The following CDIN1 variants were observed in gnomAD, a reference collection of about 807,000 sequenced individuals.
The protein encoded by CDIN1 is CDAN1-interacting nuclease 1.
A neutral mutation model predicts 45.3 loss-of-function variants in CDIN1; 33 were observed. The observed-to-expected ratio is 0.73, with a 90% CI of 0.55 to 0.97. The LOEUF is 0.97. CDIN1 is among the 50% of genes least tolerant of loss of function. CDIN1 has a pLI of 0.00. For missense variants in CDIN1, 303 were observed against 339.4 expected (o/e 0.89, Z 0.84); for synonymous variants, 118 against 124.4 (o/e 0.95, Z 0.34).
intron 10 of CDIN1, among the ~76,000 whole-genome samples, chr15:36,791,751 A>C (rs2054651265): frequency 6.6e-6 from 1 of 152,128 alleles, no homozygotes; most frequent in African/African-American, 2.4e-5. Context: ...AAAAGTGATC[A>C]TCGATGTGTT....
At chr15:36,682,753 G>C (rs1305255225) in intron 5 of CDIN1, among the ~76,000 whole-genome samples, 1 of 123,250 alleles carries the variant, frequency 8.1e-6, no homozygotes, top group Non-Finnish European at 1.6e-5. Flanking sequence ...CTAGGCAACA[G>C]AGCAAGACCC....
rs763815932 is a variant in CDIN1 at position 36,579,838 on chromosome 15, C to T, written c.-23C>T. The T allele has an allele frequency of 3.8e-6, 6 of 1,599,142 alleles. No homozygotes were observed. In the African/African-American group the frequency reaches 5.4e-5, roughly 14 times the overall value. The stretch of plus-strand genomic sequence containing the variant: ...CAGGGTGTTTTTTCCTTGTTCCCGC[C>T]ACCTCCTGGTCCCTGGCCCAACATG... On this transcript the variant is annotated 5_prime_UTR_variant, in exon 1 of 11. Coordinates refer to ENST00000566621, the MANE Select transcript of CDIN1 (RefSeq NM_001321759.2).
chr15:36,701,416 T>G (rs556710988), intron 8 of CDIN1, among the ~76,000 whole-genome samples: 1 of 151,346 alleles, frequency 6.6e-6, no homozygotes, highest in East Asian at 1.9e-4. Context: ...TTTTTGTGTG[T>G]TTTTTTTAGC....
chr15:36,609,475 T>TA (rs549302605), intron 1 of CDIN1, among the ~76,000 whole-genome samples: 146 of 152,272 alleles, frequency 9.6e-4, no homozygotes, highest in African/African-American at 3.2e-3. Context: ...TGAAAAAACT[T>TA]AAAGGGCTGG....
chr15:36,594,988 T>C (rs2140204278), intron 1 of CDIN1: 1 of 860,988 alleles, frequency 1.2e-6, no homozygotes, highest in Non-Finnish European at 1.4e-6. Context: ...TTATTTATTT[T>C]CTGTTCCATA....
At chr15:36,599,885 T>C (rs2038016306) in intron 1 of CDIN1, among the ~76,000 whole-genome samples, 1 of 152,178 alleles carries the variant, frequency 6.6e-6, no homozygotes, top group Admixed American at 6.5e-5. Context: ...CACAGTGCTG[T>C]CACTGTTACA....
At chr15:36,643,226 T>C (rs1483043633) in intron 1 of CDIN1, among the ~76,000 whole-genome samples, 1 of 152,154 alleles carries the variant, frequency 6.6e-6, no homozygotes, top group East Asian at 1.9e-4. Context: ...TGTAATTTGG[T>C]AAGGGTGGAA....
chr15:36,617,037 G>A, intron 1 of CDIN1: 1 of 752,176 alleles, frequency 1.3e-6, no homozygotes, highest in South Asian at 1.4e-5. Context: ...ACGGGCCTGT[G>A]AGCCAGTTAG....
At chr15:36,586,470 C>T (rs1447818339) in intron 1 of CDIN1, among the ~76,000 whole-genome samples, 2 of 152,136 alleles carry the variant, frequency 1.3e-5, no homozygotes, top group Non-Finnish European at 2.9e-5. Flanking sequence ...ACAATTAGCC[C>T]ACGATTTTCA....
chr15:36,586,846 G>C (rs2037325703), intron 1 of CDIN1, among the ~76,000 whole-genome samples: 1 of 152,242 alleles, frequency 6.6e-6, no homozygotes, highest in Admixed American at 6.5e-5. Flanking sequence ...GGAAACTAGT[G>C]TAAGACACAT....
At chr15:36,781,179 T>C (rs1034591124) in intron 10 of CDIN1, among the ~76,000 whole-genome samples, 17 of 152,218 alleles carry the variant, frequency 1.1e-4, no homozygotes, top group Non-Finnish European at 2.1e-4. Context: ...TACATTGGGC[T>C]TACATGTAAG....
intron 10 of CDIN1, among the ~76,000 whole-genome samples, chr15:36,719,554 T>G (rs2043336112): frequency 6.6e-6 from 1 of 152,184 alleles, no homozygotes; most frequent in Admixed American, 6.6e-5. Flanking sequence ...GCATCTATGT[T>G]TATGAGTGAT....
chr15:36,775,285 T>C (rs981931266), intron 10 of CDIN1, among the ~76,000 whole-genome samples: 2 of 152,260 alleles, frequency 1.3e-5, no homozygotes, highest in African/African-American at 4.8e-5. Flanking sequence ...TCTCGTCTAG[T>C]TGTTAAAATA....
At chr15:36,611,759 C>T (rs1226470189) in intron 1 of CDIN1, among the ~76,000 whole-genome samples, 1 of 152,082 alleles carries the variant, frequency 6.6e-6, no homozygotes, top group East Asian at 1.9e-4. Context: ...AAGGCATTTG[C>T]CTTTTATCAA....
At chr15:36,758,952 T>C (rs770329283) in intron 10 of CDIN1, among the ~76,000 whole-genome samples, 1 of 152,220 alleles carries the variant, frequency 6.6e-6, no homozygotes, top group Non-Finnish European at 1.5e-5. Flanking sequence ...AGAAAAATTA[T>C]GAAATTGTCT....
At chr15:36,769,712 C>G (rs1312840641) in intron 10 of CDIN1, among the ~76,000 whole-genome samples, 1 of 152,084 alleles carries the variant, frequency 6.6e-6, no homozygotes, top group African/African-American at 2.4e-5. Context: ...AAGTACCTTC[C>G]TCAAGGTGAC....
rs547653458 is a variant in CDIN1, at chr15:36,733,782, C to T, written c.716+23821C>T. Among the ~76,000 whole-genome samples the T allele has an allele frequency of 1.9e-3, 285 of 152,078 alleles. 2 individuals carry two copies. The highest frequency in any genetic ancestry group is 3.0e-3 in the Non-Finnish European group (204 of 67,986). On this transcript the variant is annotated intron_variant, in intron 10 of 10. Transcript: ENST00000566621. Reference sequence around the variant, plus strand: ...AGAAAAAGAGAAGGCACAGTCTTTTCGCATATGATCTTTCAATTGTTCAGC... The same window carrying T: ...AGAAAAAGAGAAGGCACAGTCTTTTTGCATATGATCTTTCAATTGTTCAGC...
At chr15:36,633,104 C>A (rs1411917337) in intron 1 of CDIN1, among the ~76,000 whole-genome samples, 4 of 152,128 alleles carry the variant, frequency 2.6e-5, no homozygotes. Context: ...TCCTTCTTTT[C>A]TTTTTGCCTA....
At chr15:36,701,944 T>C in intron 8 of CDIN1, 1 of 646,908 alleles carries the variant, frequency 1.5e-6, no homozygotes, top group Non-Finnish European at 2.8e-6. Context: ...TGCTGCTTTA[T>C]TCCTCACCTG....
Sources: gnomAD v4.1 joint callset for allele counts (sites outside exome capture counted in the v4.1 genomes callset) on GRCh38, gnomAD v4.1.1 for gene constraint, MANE v1.5 for transcripts, NCBI Gene and HGNC (gene_info 2026-07-23, HGNC 2026-07-21) for gene names.